Variants in LINGO2 observed in about 807,000 individuals in gnomAD.
LINGO2 encodes the protein leucine rich repeat and Ig domain containing 2, also known as leucine-rich repeat and immunoglobulin-like domain-containing nogo receptor-interacting protein 2.
In LINGO2, 14 loss-of-function variants were observed where a neutral mutation model predicts 30.6. The observed-to-expected ratio is 0.46, with a 90% confidence interval of 0.30 to 0.72. The LOEUF is 0.72. Ranked by LOEUF, LINGO2 falls within the 30% of genes least tolerant of loss-of-function variation. The probability of loss-of-function intolerance (pLI) is 0.07; values close to 1 mark genes in which losing one functional copy is unlikely to be tolerated. For synonymous variants in LINGO2, 317 were observed against 288.5 expected (o/e 1.10, Z -1.00); for missense variants, 729 against 751.7 (o/e 0.97, Z 0.35).
chr9:28,099,215 T>C (rs896225109), intron 4 of LINGO2, among the ~76,000 whole-genome samples: 1 of 152,154 alleles, frequency 6.6e-6, no homozygotes, highest in Non-Finnish European at 1.5e-5. Context: ...ATAGCCCCTA[T>C]TGTGTGTCCT....
chr9:28,442,335 C>G (rs1438446383), intron 2 of LINGO2, among the ~76,000 whole-genome samples: 1 of 151,822 alleles, frequency 6.6e-6, no homozygotes, highest in Non-Finnish European at 1.5e-5. Context: ...GGTTTGTATA[C>G]TTCTCTGATT....
the LINGO2 span, among the ~76,000 whole-genome samples, chr9:28,893,805 G>T: frequency 2.0e-5 from 3 of 151,632 alleles, no homozygotes; most frequent in Non-Finnish European, 2.9e-5. Context: ...CAATGTGCAG[G>T]TTAGTTAAAT....
chr9:28,937,001 T>G, the LINGO2 span, among the ~76,000 whole-genome samples: 182 of 152,276 alleles, frequency 1.2e-3, no homozygotes, highest in African/African-American at 4.2e-3. Context: ...TCTCTTCTTG[T>G]AGGACACCAG....
At chr9:28,848,391 GTGTGTGTA>G in the LINGO2 span, among the ~76,000 whole-genome samples, 32 of 55,084 alleles carry the variant, frequency 5.8e-4, no homozygotes, top group Admixed American at 1.6e-3. Context: ...GTGTGTGTGT[GTGTGTGTA>G]TATATATATA....
chr9:28,877,248 T>G, the LINGO2 span, among the ~76,000 whole-genome samples: 2 of 151,944 alleles, frequency 1.3e-5, no homozygotes, highest in African/African-American at 4.8e-5. Context: ...AGAAGCTCTT[T>G]AGTTTAATTA....
At chr9:28,125,596 T>C (rs1248571102) in intron 4 of LINGO2, among the ~76,000 whole-genome samples, 5 of 152,124 alleles carry the variant, frequency 3.3e-5, no homozygotes, top group Admixed American at 3.3e-4. Flanking sequence ...TGCAGGGCTC[T>C]CTTAGAGTCT....
exon 6 of LINGO2, chr9:27,949,855 C>G: frequency 6.2e-7 from 1 of 1,613,872 alleles, no homozygotes; most frequent in South Asian, 1.1e-5. Flanking sequence ...GTCAGGTATA[C>G]CAGGTGTTTA....
intron 1 of LINGO2, among the ~76,000 whole-genome samples, chr9:28,592,414 C>G (rs2135711733): frequency 2.0e-5 from 3 of 152,184 alleles, no homozygotes; most frequent in Admixed American, 2.0e-4. Flanking sequence ...TTCAGAGACT[C>G]AAGTAATGTC....
In LINGO2 at chr9:27,990,935, C is replaced by G. The variant is rs573054309; in HGVS notation, c.-36+21420G>C. ...AGCTGAACTTGCTCTCCTGAAGAAACCAGGGAGTTCAGAATCTCTGGTGTA... is the reference window on the plus strand; with the variant it reads ...AGCTGAACTTGCTCTCCTGAAGAAAGCAGGGAGTTCAGAATCTCTGGTGTA... On this transcript the variant is annotated intron_variant, in intron 5 of 5. Transcript: ENST00000379992. 2.6e-5 allele frequency among the ~76,000 whole-genome samples: 4 copies of G among 152,168 alleles called. No individual in the cohort carries two copies. In the East Asian group the frequency reaches 7.8e-4, roughly 30 times the overall value.
intron 3 of LINGO2, among the ~76,000 whole-genome samples, chr9:28,362,257 T>TGCGC (rs1820480408): frequency 6.6e-6 from 1 of 152,158 alleles, no homozygotes; most frequent in Admixed American, 6.5e-5. Context: ...TGCACGTGTG[T>TGCGC]GTGTGCATGT....
intron 3 of LINGO2, among the ~76,000 whole-genome samples, chr9:28,324,097 G>A (rs748958509): frequency 1.3e-5 from 2 of 152,116 alleles, no homozygotes; most frequent in Admixed American, 6.5e-5. Context: ...TGTTGTATCC[G>A]TAAGGCTAAT....
intron 1 of LINGO2, among the ~76,000 whole-genome samples, chr9:28,517,171 T>C (rs752927135): frequency 6.6e-6 from 1 of 151,962 alleles, no homozygotes; most frequent in Non-Finnish European, 1.5e-5. Flanking sequence ...AGAAAGGTCT[T>C]TCTTACAGAC....
At position 28,131,721 on chromosome 9, in the gene LINGO2, A is replaced by G. The variant is rs538498413; in HGVS notation, c.-86-119316T>C. 2.6e-4 allele frequency among the ~76,000 whole-genome samples: 39 copies of G among 152,266 alleles called. No individual in the cohort carries two copies. In the South Asian group the frequency reaches 5.6e-3, roughly 22 times the overall value. ...AATACATTCTCACTCACAAACTCCA[A>G]TAATAAAAGGTTGCTGACCCACCAC... On this transcript the variant is annotated intron_variant, in intron 4 of 5. Transcript: ENST00000379992.
intron 4 of LINGO2, among the ~76,000 whole-genome samples, chr9:28,154,210 C>T (rs1828072623): frequency 6.6e-6 from 1 of 152,112 alleles, no homozygotes; most frequent in African/African-American, 2.4e-5. Flanking sequence ...CTATCAAAGA[C>T]ATAATTGTAT....
intron 3 of LINGO2, among the ~76,000 whole-genome samples, chr9:28,326,878 C>T (rs1049472944): frequency 6.6e-6 from 1 of 152,040 alleles, no homozygotes; most frequent in African/African-American, 2.4e-5. Context: ...CACATAAATA[C>T]CATTACTGAG....
intron 3 of LINGO2, among the ~76,000 whole-genome samples, chr9:28,313,164 T>C (rs917469159): frequency 1.6e-4 from 24 of 152,186 alleles, no homozygotes; most frequent in African/African-American, 5.8e-4. Context: ...ATAATTACAA[T>C]TGAGAGAAGT....
the LINGO2 span, among the ~76,000 whole-genome samples, chr9:29,098,755 T>A: frequency 6.6e-6 from 1 of 152,164 alleles, no homozygotes; most frequent in Non-Finnish European, 1.5e-5. Flanking sequence ...ATACTTTTTA[T>A]GAGGATAATT....
At chr9:28,534,005 G>A (rs992881467) in intron 1 of LINGO2, among the ~76,000 whole-genome samples, 1 of 152,084 alleles carries the variant, frequency 6.6e-6, no homozygotes, top group Non-Finnish European at 1.5e-5. Flanking sequence ...TTGTTGTTAG[G>A]CCTTTTCAAC....
chr9:28,088,239 T>C (rs1224629193), intron 4 of LINGO2, among the ~76,000 whole-genome samples: 1 of 145,552 alleles, frequency 6.9e-6, no homozygotes, highest in South Asian at 2.2e-4. Context: ...CACACACACA[T>C]ATAATGGTTT....
Sources: gnomAD v4.1 joint callset for allele counts (sites outside exome capture counted in the v4.1 genomes callset) on GRCh38, gnomAD v4.1.1 for gene constraint, MANE v1.5 for transcripts, NCBI Gene and HGNC (gene_info 2026-07-23, HGNC 2026-07-21) for gene names.